SGCD: variants seen among roughly 807,000 people sequenced by gnomAD.
The protein encoded by SGCD is delta-sarcoglycan.
Under a neutral mutation model 36.6 loss-of-function variants are expected in SGCD, and 18 were observed. The ratio of observed to expected loss-of-function variants is 0.49; its 90% confidence interval spans 0.34 to 0.73. The LOEUF (loss-of-function observed/expected upper bound fraction) is 0.73. SGCD is among the 30% of genes least tolerant of loss of function. The pLI is 0.01. For missense variants in SGCD, 387 were observed against 346.7 expected, an observed-to-expected ratio of 1.12 and a Z score of -0.92; for synonymous variants, 133 against 130.6, an observed-to-expected ratio of 1.02 and a Z score of -0.12.
intron 1 of SGCD, among the ~76,000 whole-genome samples, chr5:155,980,963 CA>C (rs1198992033): frequency 3.9e-5 from 6 of 152,152 alleles, no homozygotes; most frequent in African/African-American, 1.4e-4. Flanking sequence ...TTACAAAATC[CA>C]AAGGGGCAGT....
intron 3 of SGCD, among the ~76,000 whole-genome samples, chr5:156,493,615 T>G (rs1756041658): frequency 6.6e-6 from 1 of 152,130 alleles, no homozygotes; most frequent in Non-Finnish European, 1.5e-5. Flanking sequence ...GTAGGAAAGC[T>G]GTGGGTAATA....
chr5:156,604,984 C>T (rs1014132806), intron 6 of SGCD, among the ~76,000 whole-genome samples: 4 of 151,478 alleles, frequency 2.6e-5, no homozygotes, highest in African/African-American at 9.7e-5. Flanking sequence ...TACATAGTAC[C>T]ATTGTAGCAA....
intron 3 of SGCD, among the ~76,000 whole-genome samples, chr5:156,505,202 G>A (rs1056399078): frequency 5.9e-5 from 9 of 152,208 alleles, no homozygotes; most frequent in African/African-American, 2.2e-4. Flanking sequence ...TCCACCTGCT[G>A]CAGGTGAGAC....
At position 156,647,554 on chromosome 5, in the gene SGCD, G is replaced by A; in HGVS notation, c.575+18G>A. ...GAACTAAGGTAAACTTCTGACTTTGGTTTGCATTGATTAATGGCTATTGCC... is the reference window on the plus strand; with the variant it reads ...GAACTAAGGTAAACTTCTGACTTTGATTTGCATTGATTAATGGCTATTGCC... On this transcript the variant is annotated intron_variant, in intron 7 of 8. Coordinates refer to ENST00000337851, the MANE Select transcript of SGCD (RefSeq NM_000337.6). 6.6e-7 allele frequency: 1 copy of A among 1,525,540 alleles called. No homozygotes were observed. The highest frequency in any genetic ancestry group is 8.9e-7 in the Non-Finnish European group (1 of 1,118,428). The allele number at this position is 1,525,540 out of a possible 1,614,324, so 94.5% of individuals were successfully genotyped here. A position where few individuals can be genotyped will look rare whatever the true frequency, so the allele number is the denominator to read the frequency against.
rs1246151507 is a variant in SGCD, at chr5:156,124,212, T to C, written c.-44+193T>C. ...TGTGTTACCACAGGTAAAGATACAA[T>C]GGTAGAAACTGAAGGAAGCCTGCAT... On this transcript the variant is annotated intron_variant, in intron 3 of 9. Transcript: ENST00000517913. Among the ~76,000 whole-genome samples the C allele has an allele frequency of 2.6e-5, 4 of 152,214 alleles. No homozygotes were observed. The East Asian group carries it at 7.7e-4, about 29-fold the overall frequency.
At chr5:156,629,770 T>A (rs2113527333) in intron 6 of SGCD, among the ~76,000 whole-genome samples, 1 of 152,176 alleles carries the variant, frequency 6.6e-6, no homozygotes, top group South Asian at 2.1e-4. Context: ...AAAACTTTAC[T>A]TACAAAAACA....
intron 3 of SGCD, among the ~76,000 whole-genome samples, chr5:156,260,327 T>C (rs1765826385): frequency 6.6e-6 from 1 of 152,174 alleles, no homozygotes; most frequent in Non-Finnish European, 1.5e-5. Flanking sequence ...AAGCTATATA[T>C]CAATTTAAGG....
intron 7 of SGCD, among the ~76,000 whole-genome samples, chr5:156,715,028 GGAAAGGGCTCATT>G (rs1755157330): frequency 6.6e-6 from 1 of 152,156 alleles, no homozygotes; most frequent in Non-Finnish European, 1.5e-5. Flanking sequence ...GACAGGCTCA[GGAAAGGGCTCATT>G]GAGCCATAGA....
chr5:156,467,568 A>C (rs1484568738), intron 3 of SGCD, among the ~76,000 whole-genome samples: 1 of 152,256 alleles, frequency 6.6e-6, no homozygotes, highest in African/African-American at 2.4e-5. Flanking sequence ...ATAAACAGAG[A>C]TGGAGCATGA....
intron 3 of SGCD, among the ~76,000 whole-genome samples, chr5:156,492,741 A>G (rs373083665): frequency 2.0e-4 from 31 of 152,130 alleles, no homozygotes; most frequent in African/African-American, 6.7e-4. Context: ...AGGCCCTGGT[A>G]TGTGATGTTC....
intron 1 of SGCD, among the ~76,000 whole-genome samples, chr5:156,074,687 G>C (rs1350930499): frequency 6.6e-6 from 1 of 151,724 alleles, no homozygotes; most frequent in African/African-American, 2.4e-5. Flanking sequence ...CTCAAAAAAA[G>C]AAAAAAGAAT....
intron 7 of SGCD, among the ~76,000 whole-genome samples, chr5:156,747,837 C>G (rs577757445): frequency 3.3e-5 from 5 of 152,268 alleles, no homozygotes; most frequent in South Asian, 4.1e-4. Context: ...TGCTGCCTCA[C>G]CACACACATT....
At chr5:156,681,690 T>C (rs1561854823) in intron 7 of SGCD, among the ~76,000 whole-genome samples, 1 of 152,062 alleles carries the variant, frequency 6.6e-6, no homozygotes, top group Non-Finnish European at 1.5e-5. Context: ...TGATAAAGAG[T>C]CTAGAATGTC....
chr5:156,166,264 G>T (rs1257599543), intron 3 of SGCD, among the ~76,000 whole-genome samples: 1 of 151,746 alleles, frequency 6.6e-6, no homozygotes, highest in Non-Finnish European at 1.5e-5. Flanking sequence ...CCACTTAAAA[G>T]GTACTGTAGT....
At chr5:155,975,235 C>T (rs1434110721) in intron 1 of SGCD, among the ~76,000 whole-genome samples, 1 of 152,170 alleles carries the variant, frequency 6.6e-6, no homozygotes, top group Non-Finnish European at 1.5e-5. Flanking sequence ...CACACATGTG[C>T]ATTTATTGAA....
At chr5:156,144,876 A>T (rs3097858) in intron 3 of SGCD, among the ~76,000 whole-genome samples, 12,573 of 152,250 alleles carry the variant, frequency 0.083, 562 homozygotes, top group South Asian at 0.11. Flanking sequence ...TTACAGTCTC[A>T]TAGGCAGAAG....
chr5:156,315,017 A>G (rs1767478485), intron 3 of SGCD, among the ~76,000 whole-genome samples: 1 of 152,056 alleles, frequency 6.6e-6, no homozygotes, highest in Non-Finnish European at 1.5e-5. Flanking sequence ...AATCTAATTA[A>G]CATAGCCATT....
At chr5:155,930,792 A>G (rs940863721) in intron 1 of SGCD, among the ~76,000 whole-genome samples, 1 of 152,210 alleles carries the variant, frequency 6.6e-6, no homozygotes, top group South Asian at 2.1e-4. Context: ...AACATTGTTC[A>G]TACTTGTAAC....
intron 7 of SGCD, among the ~76,000 whole-genome samples, chr5:156,724,379 C>A (rs1003156009): frequency 2.0e-5 from 3 of 152,106 alleles, no homozygotes; most frequent in African/African-American, 7.2e-5. Context: ...CCGAGGCAGG[C>A]AGATCACGAG....
Sources: gnomAD v4.1 joint callset for allele counts (sites outside exome capture counted in the v4.1 genomes callset) on GRCh38, gnomAD v4.1.1 for gene constraint, MANE v1.5 for transcripts, NCBI Gene and HGNC (gene_info 2026-07-23, HGNC 2026-07-21) for gene names.